ARL6IP1: variants seen among roughly 807,000 people sequenced by gnomAD.
ARL6IP1 encodes the protein ARL6 interacting reticulophagy regulator 1.
ARL6IP1 carries 16 observed loss-of-function variants against 30.1 expected under a neutral mutation model. The observed-to-expected ratio is 0.53, with a 90% CI of 0.36 to 0.81. The LOEUF (loss-of-function observed/expected upper bound fraction) is 0.81, where lower values mean the gene tolerates loss of function less well. Among genes scored for constraint, ARL6IP1 ranks in the 30% least tolerant of loss-of-function variants. ARL6IP1 has a pLI of 0.01. For synonymous variants in ARL6IP1, 72 were observed against 84.8 expected, an observed-to-expected ratio of 0.85 and a Z score of 0.83; for missense variants, 173 against 242.7, an observed-to-expected ratio of 0.71 and a Z score of 1.91.
Position 18,801,474 on chromosome 16 carries a change from G to T in ARL6IP1, c.-8C>A. On this transcript the variant is annotated 5_prime_UTR_variant, in exon 1 of 6. Transcript: ENST00000304414. ...ATTATCTCCCTCCGCCATCGTCTCG[G>T]GGATGCAGTCTCTACAAGCGCAGGC... 6.2e-7 allele frequency: 1 copy of T among 1,612,430 alleles called. No homozygotes were observed. The highest frequency in any genetic ancestry group is 1.3e-5 in the African/African-American group (1 of 75,026).
Position 18,800,806 on chromosome 16 carries a change from T to C in ARL6IP1, c.36+625A>G, listed in dbSNP as rs116981379. On this transcript the variant is annotated intron_variant, in intron 1 of 5. Coordinates refer to ENST00000304414, the MANE Select transcript of ARL6IP1 (RefSeq NM_015161.3). ...CACTGCAGTTCCTTCGGATCCCTGC[T>C]TATTACTCTAAAGCTGTTTCCAGTA... is the stretch of plus-strand genomic sequence containing the variant. Among the ~76,000 whole-genome samples the C allele has an allele frequency of 3.3e-3, 501 of 152,310 alleles. 1 individual carries two copies. Among genetic ancestry groups the C allele is most frequent in the Non-Finnish European group, 5.4e-3 (366 of 68,022 alleles).
intron 1 of ARL6IP1, among the ~76,000 whole-genome samples, chr16:18,799,406 G>C (rs112361469): frequency 1.6e-4 from 25 of 152,318 alleles, no homozygotes; most frequent in African/African-American, 5.8e-4. Context: ...CCACAAGGTA[G>C]GGATAATTAG....
At chr16:18,799,720 G>C in intron 1 of ARL6IP1, among the ~76,000 whole-genome samples, 1 of 152,116 alleles carries the variant, frequency 6.6e-6, no homozygotes, top group Admixed American at 6.5e-5. Flanking sequence ...CCAAATTAAG[G>C]TGGCATTTTA....
chr16:18,798,016 G>T lies in ARL6IP1; in HGVS notation c.199C>A (p.Leu67Met). The T allele has an allele frequency of 1.9e-6, 3 of 1,612,908 alleles. No individual in the cohort carries two copies. The highest frequency in any genetic ancestry group is 2.2e-5 in the East Asian group (1 of 44,818). Residue 67 changes from leucine (L) to methionine (M), a missense_variant, in exon 3 of 6, where the codon CTG becomes ATG. Transcript: ENST00000304414. ...LIIYYLDPSV[L>M]SGVSCFVMFL... ...ATAACAAAACAGGAAACGCCGGACA[G>T]AACAGATGGATCTAGATAGTAGATA...
chr16:18,795,708 T>G, intron 3 of ARL6IP1, 127 bp from the exon 4 acceptor site: 1 of 645,520 alleles, frequency 1.5e-6, no homozygotes, highest in African/African-American at 1.8e-5. Flanking sequence ...ACCATTATCT[T>G]ATGTAGGTGA....
At chr16:18,796,698 T>C (rs1052387085) in intron 3 of ARL6IP1, among the ~76,000 whole-genome samples, 1 of 152,218 alleles carries the variant, frequency 6.6e-6, no homozygotes, top group Non-Finnish European at 1.5e-5. Flanking sequence ...TTACTGCAAG[T>C]GAAAAACAAT....
chr16:18,799,654 T>A (rs1365782455), intron 1 of ARL6IP1, among the ~76,000 whole-genome samples: 1 of 152,218 alleles, frequency 6.6e-6, no homozygotes, highest in Non-Finnish European at 1.5e-5. Flanking sequence ...GCTCTTTGTG[T>A]AATGGAATCA....
chr16:18,800,098 C>T (rs562317342), intron 1 of ARL6IP1, among the ~76,000 whole-genome samples: 2 of 152,148 alleles, frequency 1.3e-5, no homozygotes, highest in African/African-American at 4.8e-5. Context: ...CAAAGACGCT[C>T]GCTATCTGTG....
chr16:18,795,187 G>A (rs550232371), intron 4 of ARL6IP1: 11 of 287,042 alleles, frequency 3.8e-5, no homozygotes, highest in Admixed American at 9.4e-5. Context: ...CACTGTGCCC[G>A]GCCTAAACAG....
At chr16:18,794,040 C>T (rs2030155953) in intron 5 of ARL6IP1, among the ~76,000 whole-genome samples, 1 of 152,128 alleles carries the variant, frequency 6.6e-6, no homozygotes, top group Non-Finnish European at 1.5e-5. Context: ...TAACCTCCAC[C>T]TCCTGGGTTC....
At chr16:18,794,760 A>G (rs2030179056) in intron 4 of ARL6IP1, 77 bp from the exon 5 acceptor site, 1 of 1,051,276 alleles carries the variant, frequency 9.5e-7, no homozygotes, top group Non-Finnish European at 1.4e-6. Flanking sequence ...TTTGTCAATT[A>G]AAGAAGAATG....
chr16:18,800,641 G>GT (rs1472194986), intron 1 of ARL6IP1, among the ~76,000 whole-genome samples: 1 of 152,196 alleles, frequency 6.6e-6, no homozygotes, highest in Admixed American at 6.5e-5. Flanking sequence ...CTTTGGTTCC[G>GT]TTTTTCATTG....
At chr16:18,795,016 CTT>C (rs35734251) in intron 4 of ARL6IP1, among the ~76,000 whole-genome samples, 17 of 133,252 alleles carry the variant, frequency 1.3e-4, no homozygotes, top group Admixed American at 2.3e-4. Context: ...AGATGCTTTC[CTT>C]TTTTTTTTTT....
intron 1 of ARL6IP1, chr16:18,801,108 C>T (rs1003035787): frequency 8.6e-7 from 1 of 1,157,986 alleles, no homozygotes. Context: ...CGCGAAAGCG[C>T]TGGACAGGCC....
Position 18,793,367 on chromosome 16 carries a change from G to T in ARL6IP1, c.497C>A (p.Thr166Asn). The T allele has an allele frequency of 1.9e-6, 3 of 1,577,202 alleles. No individual in the cohort carries two copies. The highest frequency in any genetic ancestry group is 2.6e-6 in the Non-Finnish European group (3 of 1,159,266). Reference protein sequence around the residue: ...HNLLLTYLIVTSLLLLPGLNQ... With the variant: ...HNLLLTYLIVNSLLLLPGLNQ... ...TAGTCCAGGAAGCAATAGTAAGGAAGTCACTTAAAATAAAAAAAAACCCAA... is the reference window on the plus strand; with the variant it reads ...TAGTCCAGGAAGCAATAGTAAGGAATTCACTTAAAATAAAAAAAAACCCAA... The change falls in exon 6 of 6, where the codon ACT (threonine) becomes AAT (asparagine). Residue 166 changes from threonine to asparagine, a missense_variant. Transcript: ENST00000304414.
chr16:18,793,145 G>A lies in ARL6IP1; in HGVS notation c.*107C>T, dbSNP rs1486744051. The A allele has an allele frequency of 1.3e-5, 9 of 717,496 alleles. No homozygotes were observed. Among genetic ancestry groups the A allele is most frequent in the South Asian group, 1.9e-5 (1 of 51,766 alleles). 44.4% of individuals were successfully genotyped at this position (717,496 alleles called of 1,614,324 possible). A position where few individuals can be genotyped will look rare whatever the true frequency, so the allele number is the denominator to read the frequency against. The stretch of plus-strand genomic sequence containing the variant: ...TCTATTAACTAAGGGCAGAGTGAGG[G>A]AGAACAAAGAGCTACTTCCGTAACA... On this transcript the variant is annotated 3_prime_UTR_variant, in exon 6 of 6. Coordinates refer to ENST00000304414, the MANE Select transcript of ARL6IP1 (RefSeq NM_015161.3).
At chr16:18,799,037 T>G (rs1336710822) in intron 1 of ARL6IP1, among the ~76,000 whole-genome samples, 1 of 152,120 alleles carries the variant, frequency 6.6e-6, no homozygotes, top group Non-Finnish European at 1.5e-5. Context: ...TTTTTTTTTT[T>G]GAGACGGAGT....
At chr16:18,800,504 T>C (rs1426744639) in intron 1 of ARL6IP1, among the ~76,000 whole-genome samples, 1 of 152,232 alleles carries the variant, frequency 6.6e-6, no homozygotes, top group African/African-American at 2.4e-5. Flanking sequence ...AAGGAGCGTG[T>C]GTTTAAAGGA....
rs956908355 is a variant in ARL6IP1 at position 18,791,740 on chromosome 16, C to T, written c.*1512G>A. 2 of 152,146 alleles carry T rather than the reference C, an allele frequency of 1.3e-5. No individual in the cohort carries two copies. Among genetic ancestry groups the T allele is most frequent in the Non-Finnish European group, 2.9e-5 (2 of 68,008 alleles). 9.4% of individuals were successfully genotyped at this position (152,146 alleles called of 1,614,324 possible). A position where few individuals can be genotyped will look rare whatever the true frequency, so the allele number is the denominator to read the frequency against. ...TAGAAGAAATAATACAGGATTAAAA[C>T]TGCAAAAGTAGTTAATCAGTAGAAT... On this transcript the variant is annotated 3_prime_UTR_variant, in exon 6 of 6. Coordinates refer to ENST00000304414, the MANE Select transcript of ARL6IP1 (RefSeq NM_015161.3).
Sources: gnomAD v4.1 joint callset for allele counts (sites outside exome capture counted in the v4.1 genomes callset) on GRCh38, gnomAD v4.1.1 for gene constraint, MANE v1.5 for transcripts, NCBI Gene and HGNC (gene_info 2026-07-23, HGNC 2026-07-21) for gene names.